The following SKAP1 variants were observed in gnomAD, a reference collection of about 807,000 sequenced individuals.
The protein encoded by SKAP1 is src kinase-associated phosphoprotein 1.
In SKAP1, 44 loss-of-function variants were observed where a neutral mutation model predicts 58.5. The observed-to-expected ratio is 0.75, with a 90% CI of 0.59 to 0.97. SKAP1 has a LOEUF of 0.97. SKAP1 is among the 50% of genes least tolerant of loss of function. The pLI is 0.00. For synonymous variants in SKAP1, 127 were observed against 149.7 expected, an observed-to-expected ratio of 0.85 and a Z score of 1.11; for missense variants, 390 against 435.2, an observed-to-expected ratio of 0.90 and a Z score of 0.92.
chr17:48,334,097 C>T (rs907263707), intron 4 of SKAP1, among the ~76,000 whole-genome samples: 2 of 151,784 alleles, frequency 1.3e-5, no homozygotes, highest in African/African-American at 4.8e-5. Flanking sequence ...TAGGAAATTC[C>T]CTTCTATCCT....
chr17:48,373,843 G>A (rs1209603676), intron 2 of SKAP1, among the ~76,000 whole-genome samples: 1 of 152,058 alleles, frequency 6.6e-6, no homozygotes, highest in African/African-American at 2.4e-5. Context: ...ACCCAGAAAG[G>A]CCAACATCTG....
intron 3 of SKAP1, among the ~76,000 whole-genome samples, chr17:48,361,240 G>A (rs1252269273): frequency 6.9e-6 from 1 of 145,032 alleles, no homozygotes; most frequent in Non-Finnish European, 1.5e-5. Flanking sequence ...AGTTTTGCTC[G>A]TGTTGCCCAG....
At chr17:48,154,566 C>T (rs1238281316) in intron 11 of SKAP1, among the ~76,000 whole-genome samples, 1 of 152,194 alleles carries the variant, frequency 6.6e-6, no homozygotes, top group Admixed American at 6.5e-5. Flanking sequence ...TTATGAGGCA[C>T]ACAACCCAAG....
chr17:48,269,435 A>G (rs1036566508), intron 4 of SKAP1, among the ~76,000 whole-genome samples: 4 of 152,216 alleles, frequency 2.6e-5, no homozygotes, highest in Non-Finnish European at 5.9e-5. Context: ...AGAATGTGGC[A>G]TAAGTGGGAA....
At chr17:48,395,991 C>T (rs2067413676) in intron 2 of SKAP1, among the ~76,000 whole-genome samples, 1 of 152,156 alleles carries the variant, frequency 6.6e-6, no homozygotes, top group Admixed American at 6.5e-5. Context: ...AATCACATTG[C>T]CACCAGGTTT....
At chr17:48,396,230 T>C (rs1022083904) in intron 2 of SKAP1, among the ~76,000 whole-genome samples, 15 of 152,284 alleles carry the variant, frequency 9.9e-5, no homozygotes, top group African/African-American at 3.4e-4. Context: ...AACATCCCAA[T>C]GTAGTCAAAG....
chr17:48,426,207 A>T (rs2067852246), intron 1 of SKAP1, among the ~76,000 whole-genome samples: 1 of 152,236 alleles, frequency 6.6e-6, no homozygotes, highest in Admixed American at 6.5e-5. Context: ...ATGATTAATG[A>T]CTGCTTCTTT....
intron 4 of SKAP1, among the ~76,000 whole-genome samples, chr17:48,224,258 C>T (rs1267636790): frequency 6.6e-6 from 1 of 152,162 alleles, no homozygotes; most frequent in African/African-American, 2.4e-5. Context: ...ATAAGCTAAA[C>T]ATTTATCCTA....
chr17:48,322,217 C>T (rs1309986306), intron 4 of SKAP1, among the ~76,000 whole-genome samples: 1 of 152,196 alleles, frequency 6.6e-6, no homozygotes, highest in Non-Finnish European at 1.5e-5. Context: ...ACCTTCATTA[C>T]TTTTGCACAT....
intron 4 of SKAP1, among the ~76,000 whole-genome samples, chr17:48,248,365 G>A (rs953927301): frequency 2.0e-5 from 3 of 152,090 alleles, no homozygotes; most frequent in South Asian, 2.1e-4. Context: ...TCAGCAGTTC[G>A]AGACCAGCCT....
chr17:48,151,443 T>C (rs2063901186), intron 11 of SKAP1, among the ~76,000 whole-genome samples: 1 of 152,218 alleles, frequency 6.6e-6, no homozygotes, highest in Non-Finnish European at 1.5e-5. Context: ...TCGCTGTTTT[T>C]TTCCTCCTTA....
At chr17:48,206,604 C>T (rs564294028) in intron 4 of SKAP1, among the ~76,000 whole-genome samples, 2 of 151,966 alleles carry the variant, frequency 1.3e-5, no homozygotes, top group South Asian at 4.1e-4. Flanking sequence ...GAATTGATGG[C>T]TGGGATGGAA....
chr17:48,194,412 T>C (rs2064595949), intron 4 of SKAP1, among the ~76,000 whole-genome samples: 1 of 152,266 alleles, frequency 6.6e-6, no homozygotes, highest in Admixed American at 6.5e-5. Flanking sequence ...TGGGGACCCT[T>C]TGGAGTGTGA....
intron 4 of SKAP1, among the ~76,000 whole-genome samples, chr17:48,201,989 T>A (rs2064733945): frequency 6.6e-6 from 1 of 152,206 alleles, no homozygotes; most frequent in Non-Finnish European, 1.5e-5. Flanking sequence ...TACATGTACA[T>A]TGGTTTGCAT....
chr17:48,405,264 GTATT>G (rs1287729484), intron 1 of SKAP1, among the ~76,000 whole-genome samples: 1 of 151,956 alleles, frequency 6.6e-6, no homozygotes, highest in African/African-American at 2.4e-5. Context: ...AACTTTAATA[GTATT>G]TATTTTTTAT....
At chr17:48,327,170 C>T (rs537908906) in intron 4 of SKAP1, among the ~76,000 whole-genome samples, 50 of 152,240 alleles carry the variant, frequency 3.3e-4, no homozygotes, top group African/African-American at 1.1e-3. Flanking sequence ...GGATTACAGG[C>T]GTGAGCCACC....
intron 4 of SKAP1, among the ~76,000 whole-genome samples, chr17:48,189,743 C>T (rs1214794650): frequency 3.3e-5 from 5 of 151,194 alleles, no homozygotes; most frequent in Non-Finnish European, 4.4e-5. Flanking sequence ...GGCGCTATCT[C>T]GGCTCACTGC....
At chr17:48,226,061 C>T (rs1288932618) in intron 4 of SKAP1, among the ~76,000 whole-genome samples, 2 of 152,130 alleles carry the variant, frequency 1.3e-5, no homozygotes, top group African/African-American at 4.8e-5. Flanking sequence ...GGAACATAGA[C>T]CATCCATCAC....
chr17:48,137,087 C>T, intron 12 of SKAP1, 142 bp downstream of exon 12: 1 of 554,972 alleles, frequency 1.8e-6, no homozygotes, highest in East Asian at 2.9e-5. Flanking sequence ...ATTTTCTTTC[C>T]ATCAGTGGTG....
Sources: allele counts gnomAD v4.1 joint callset (sites outside exome capture counted in the v4.1 genomes callset), GRCh38; gene constraint gnomAD v4.1.1; transcripts MANE v1.5; gene names NCBI Gene and HGNC (gene_info 2026-07-23, HGNC 2026-07-21).